PFKL: variants seen among roughly 807,000 people sequenced by gnomAD.
PFKL encodes ATP-dependent 6-phosphofructokinase, liver type.
A neutral mutation model predicts 92.1 loss-of-function variants in PFKL; 74 were observed. The ratio of observed to expected loss-of-function variants is 0.80; its 90% CI spans 0.67 to 0.97. The LOEUF is 0.97. Among genes scored for constraint, PFKL ranks in the 50% least tolerant of loss-of-function variants. The pLI, the probability that PFKL is intolerant of heterozygous loss-of-function variation, is 0.00. For synonymous variants in PFKL, 494 were observed against 456.4 expected, an observed-to-expected ratio of 1.08 and a Z score of -1.05; for missense variants, 1,028 against 1,116.6, an observed-to-expected ratio of 0.92 and a Z score of 1.13.
intron 3 of PFKL, 80 bp downstream of exon 3, chr21:44,311,163 C>G (rs995348011): frequency 9.3e-7 from 1 of 1,074,184 alleles, no homozygotes; most frequent in Non-Finnish European, 1.4e-6. Flanking sequence ...CACACAGACA[C>G]ACACACAGAG....
chr21:44,325,596 A>G (rs1372796302), intron 19 of PFKL: 1 of 492,884 alleles, frequency 2.0e-6, no homozygotes, highest in East Asian at 3.5e-5. Context: ...GTGGCCCTGC[A>G]GGAAGCCCGC....
In PFKL at chr21:44,324,716, CA is replaced by C; in HGVS notation, c.1815+62del. On this transcript the variant is annotated intron_variant, in intron 17 of 21. Transcript: ENST00000349048. ...CCGGCATGCCAGCCTGGGCCCCAGACACTCAGGCCGGCCAGCGCAGGGCAGG... is the reference window on the plus strand; with the variant it reads ...CCGGCATGCCAGCCTGGGCCCCAGACCTCAGGCCGGCCAGCGCAGGGCAGG... 3.8e-6 allele frequency: 6 copies of C among 1,560,150 alleles called. 1 individual carries two copies. In the South Asian group the frequency reaches 7.2e-5, roughly 19 times the overall value.
At position 44,323,808 on chromosome 21, in the gene PFKL, T is replaced by C. The variant is rs1031182678; in HGVS notation, c.1540T>C (p.Tyr514His). The part of the protein sequence containing the change: ...VLQLVEARGR[Y>H]EELCIVMCVI... The stretch of plus-strand genomic sequence containing the variant: ...GCAGCTGGTGGAGGCTCGCGGGCGC[T>C]ACGAGGAGCTCTGCATCGTCATGTG... The change falls in exon 16 of 22, where the codon TAC becomes CAC. Residue 514 changes from tyrosine (Y) to histidine (H), a missense_variant. Transcript: ENST00000349048. 6.2e-7 allele frequency: 1 copy of C among 1,612,780 alleles called. No homozygotes were observed.
intron 3 of PFKL, among the ~76,000 whole-genome samples, chr21:44,311,319 GACAC>G (rs59889134): frequency 0.049 from 7,201 of 147,644 alleles, 574 homozygotes; most frequent in African/African-American, 0.18. Context: ...CACGTGCACA[GACAC>G]ACACAGACAT....
intron 9 of PFKL, among the ~76,000 whole-genome samples, chr21:44,317,634 C>A (rs987123668): frequency 6.6e-6 from 1 of 152,222 alleles, no homozygotes; most frequent in African/African-American, 2.4e-5. Flanking sequence ...CCCCTAGCCG[C>A]GGCTGTCACC....
At chr21:44,313,435 C>G (rs1481155370) in intron 5 of PFKL, among the ~76,000 whole-genome samples, 1 of 152,246 alleles carries the variant, frequency 6.6e-6, no homozygotes, top group Non-Finnish European at 1.5e-5. Flanking sequence ...GCAAATGACC[C>G]TCAGCCTGGG....
chr21:44,320,028 G>C (rs2047318017), intron 11 of PFKL, 56 bp from the exon 12 acceptor site: 1 of 1,505,678 alleles, frequency 6.6e-7, no homozygotes, highest in Non-Finnish European at 9.2e-7. Flanking sequence ...GCTGCGCTGT[G>C]GCTGTACGCC....
rs914654762 is a variant in PFKL, at chr21:44,307,363, GCA to G, written c.159+616_159+617del. On this transcript the variant is annotated intron_variant, in intron 2 of 21. Transcript: ENST00000349048. ...CACCCACACTTGCGCTCACACATGT[GCA>G]CACACAGGCGCATTCACACACTTGG... 16 of 941,320 alleles carry G rather than the reference GCA, an allele frequency of 1.7e-5. No homozygotes were observed. The South Asian group carries it at 2.0e-4, about 12-fold the overall frequency. 58.3% of individuals were successfully genotyped at this position (941,320 alleles called of 1,614,324 possible). A position where few individuals can be genotyped will look rare whatever the true frequency, so the allele number is the denominator to read the frequency against.
intron 16 of PFKL, among the ~76,000 whole-genome samples, chr21:44,324,176 C>G (rs949524066): frequency 6.6e-6 from 1 of 152,122 alleles, no homozygotes; most frequent in Non-Finnish European, 1.5e-5. Flanking sequence ...GTCCCTGCGC[C>G]CCAGTGCTGG....
In PFKL at chr21:44,324,521, G is replaced by A; in HGVS notation, c.1681G>A (p.Gly561Arg). ...TGACCGCATCAAACAGTCTGCCTCG[G>A]GGACCAAGCGCCGTGTGTTCATCGT... ...SCDRIKQSAS[G>R]TKRRVFIVET... The change falls in exon 17 of 22, where the codon GGG becomes AGG. Residue 561 changes from glycine (G) to arginine (R), a missense_variant. Coordinates refer to ENST00000349048, the MANE Select transcript of PFKL (RefSeq NM_002626.6). 6.2e-7 allele frequency: 1 copy of A among 1,613,380 alleles called. No individual in the cohort carries two copies. Among genetic ancestry groups the A allele is most frequent in the Non-Finnish European group, 8.5e-7 (1 of 1,179,876 alleles).
At chr21:44,303,897 TCGG>T (rs1423765960) in intron 1 of PFKL, among the ~76,000 whole-genome samples, 2 of 152,012 alleles carry the variant, frequency 1.3e-5, no homozygotes. Flanking sequence ...GACTGCGGTG[TCGG>T]CGACTGCTGC....
At chr21:44,316,589 G>C (rs2146481218) in intron 9 of PFKL, 65 bp downstream of exon 9, 1 of 1,288,438 alleles carries the variant, frequency 7.8e-7, no homozygotes, top group Non-Finnish European at 1.1e-6. Flanking sequence ...GTGTGGGTGT[G>C]GGCAGTGTGC....
At chr21:44,325,550 C>T in intron 19 of PFKL, 8 of 541,532 alleles carry the variant, frequency 1.5e-5, no homozygotes, top group Non-Finnish European at 2.7e-5. Flanking sequence ...TCCGCCGAAC[C>T]CCTCACCTAG....
chr21:44,305,420 C>T (rs1214100872), intron 1 of PFKL: 7 of 1,357,416 alleles, frequency 5.2e-6, no homozygotes, highest in Non-Finnish European at 6.9e-6. Context: ...CCCAGCAGGT[C>T]AGCACCTCCA....
rs117228531 is a variant in PFKL at position 44,325,126 on chromosome 21, C to T, written c.1878-27C>T. On this transcript the variant is annotated intron_variant, in intron 18 of 21. Transcript: ENST00000349048. ...GGGGGAGACCTGAACTCGTTCCCGCCGACTCAGGCCCTGCTGCCCCTCTCA... is the reference window on the plus strand; with the variant it reads ...GGGGGAGACCTGAACTCGTTCCCGCTGACTCAGGCCCTGCTGCCCCTCTCA... 6.6e-4 allele frequency: 983 copies of T among 1,499,542 alleles called. 12 individuals carry two copies. Among genetic ancestry groups the T allele is most frequent in the South Asian group, 5.9e-3 (521 of 88,632 alleles). The allele number at this position is 1,499,542 out of a possible 1,614,324, so 92.9% of individuals were successfully genotyped here.
Position 44,306,206 on chromosome 21 carries a change from C to T in PFKL, c.86-475C>T, listed in dbSNP as rs543855605. Among the ~76,000 whole-genome samples, 9 of 121,328 alleles carry T rather than the reference C, an allele frequency of 7.4e-5. No individual in the cohort carries two copies. In the South Asian group the frequency reaches 7.5e-4, roughly 10 times the overall value. 79.6% of individuals were successfully genotyped at this position (121,328 alleles called of 152,430 possible). On this transcript the variant is annotated intron_variant, in intron 1 of 21. Transcript: ENST00000349048. ...CTGCTCTGTGGTCAAGGCCTGGCCC[C>T]GTGGCCTGTGAGTGTGGGGGCTCCG...
At position 44,324,554 on chromosome 21, in the gene PFKL, ATGGGGGGTTACTG is replaced by A; in HGVS notation, c.1718_1730del (p.Gly573AlafsTer6). ...GCGCCGTGTGTTCATCGTGGAGACC[ATGGGGGGTTACTG>A]TGGCTACCTGGCCACCGTGACTGGC... is the stretch of plus-strand genomic sequence containing the variant. On this transcript the variant is annotated frameshift_variant, in exon 17 of 22. Transcript: ENST00000349048. LOFTEE classifies it high-confidence loss of function. 6.2e-7 allele frequency: 1 copy of A among 1,613,376 alleles called. No individual in the cohort carries two copies. Among genetic ancestry groups the A allele is most frequent in the Admixed American group, 1.7e-5 (1 of 59,988 alleles).
At position 44,318,553 on chromosome 21, in the gene PFKL, G is replaced by A; in HGVS notation, c.1020G>A (p.Gly340=). 6.4e-7 allele frequency: 1 copy of A among 1,574,158 alleles called. No homozygotes were observed. The highest frequency in any genetic ancestry group is 8.7e-7 in the Non-Finnish European group (1 of 1,154,038). ...CGGCCTGCGTGGTCACCCTCTCGGG[G>A]AACCAGTCAGTGCGGCTGCCCCTCA... ...DTPACVVTLS[G]NQSVRLPLME... Residue 340 remains glycine (G), a synonymous_variant, in exon 10 of 22, where the codon GGG becomes GGA. Coordinates refer to ENST00000349048, the MANE Select transcript of PFKL (RefSeq NM_002626.6).
intron 10 of PFKL, 112 bp downstream of exon 10, chr21:44,318,707 C>G: frequency 2.0e-6 from 2 of 1,004,260 alleles, no homozygotes; most frequent in African/African-American, 1.7e-5. Flanking sequence ...GAGGGCAGGG[C>G]CTCGTGGCTG....
Sources: gnomAD v4.1 joint callset for allele counts (sites outside exome capture counted in the v4.1 genomes callset) on GRCh38, gnomAD v4.1.1 for gene constraint, MANE v1.5 for transcripts, NCBI Gene and HGNC (gene_info 2026-07-23, HGNC 2026-07-21) for gene names.